Variants in USP10 observed in about 807,000 individuals in gnomAD.
USP10 encodes ubiquitin carboxyl-terminal hydrolase 10.
In USP10, 22 loss-of-function variants were observed where a neutral mutation model predicts 84.5. That is an observed-to-expected ratio of 0.26 (90% CI 0.19 to 0.37). USP10 has a LOEUF of 0.37. USP10 is among the 10% of genes least tolerant of loss of function. The pLI is 1.00. For missense variants in USP10, 1,019 were observed against 998.9 expected (o/e 1.02, Z -0.27); for synonymous variants, 454 against 387.6 (o/e 1.17, Z -2.01).
intron 4 of USP10, among the ~76,000 whole-genome samples, chr16:84,756,073 T>A (rs1007101549): frequency 1.7e-4 from 26 of 151,966 alleles, no homozygotes; most frequent in Admixed American, 1.2e-3. Context: ...TGGATTGGGC[T>A]AAGCATCCTT....
chr16:84,718,625 C>T (rs1340308392), intron 1 of USP10, among the ~76,000 whole-genome samples: 2 of 151,790 alleles, frequency 1.3e-5, no homozygotes, highest in African/African-American at 4.8e-5. Flanking sequence ...GACATCGTGG[C>T]ACATGCCTGT....
At chr16:84,775,549 G>A (rs149531196) in intron 13 of USP10, among the ~76,000 whole-genome samples, 2 of 152,320 alleles carry the variant, frequency 1.3e-5, no homozygotes, top group African/African-American at 2.4e-5. Flanking sequence ...TGGCACCTGT[G>A]GGTGACAGTG....
Position 84,772,703 on chromosome 16 carries a change from T to G in USP10, c.2143+18T>G. 2 of 1,612,950 alleles carry G rather than the reference T, an allele frequency of 1.2e-6. No homozygotes were observed. Among genetic ancestry groups the G allele is most frequent in the Non-Finnish European group, 1.7e-6 (2 of 1,179,076 alleles). ...TAGTAAAGGTAATGCATACATAAGG[T>G]CGGGAGTGTTCGTGGTGACACACTC... On this transcript the variant is annotated intron_variant, in intron 12 of 13. Transcript: ENST00000219473.
chr16:84,751,351 T>G (rs1187127718), intron 4 of USP10, among the ~76,000 whole-genome samples: 4 of 152,244 alleles, frequency 2.6e-5, no homozygotes, highest in African/African-American at 7.2e-5. Context: ...TTTTGGCAGT[T>G]TATAAATCAT....
chr16:84,763,476 G>C (rs945751000), intron 9 of USP10, among the ~76,000 whole-genome samples: 2 of 152,142 alleles, frequency 1.3e-5, no homozygotes, highest in Admixed American at 6.5e-5. Context: ...TTCCCTGAAT[G>C]ATTCAAAGTT....
rs546760130 is a variant in USP10 at position 84,748,307 on chromosome 16, C to A, written c.1192+2634C>A. Among the ~76,000 whole-genome samples, 33 of 151,592 alleles carry A rather than the reference C, an allele frequency of 2.2e-4. No individual in the cohort carries two copies. In the East Asian group the frequency reaches 4.3e-3, roughly 20 times the overall value. Reference sequence around the variant, plus strand: ...TTCGAAGTCATGAGAATTTTATTTTCTTTTCTTTATTTTTGAGAGGGGGTC... The same window carrying A: ...TTCGAAGTCATGAGAATTTTATTTTATTTTCTTTATTTTTGAGAGGGGGTC... On this transcript the variant is annotated intron_variant, in intron 4 of 13. Transcript: ENST00000219473.
At chr16:84,700,960 T>C (rs1904793454) in intron 1 of USP10, among the ~76,000 whole-genome samples, 1 of 152,104 alleles carries the variant, frequency 6.6e-6, no homozygotes, top group African/African-American at 2.4e-5. Flanking sequence ...ATCGGCATGA[T>C]GTATTATTTG....
intron 1 of USP10, among the ~76,000 whole-genome samples, chr16:84,731,470 G>A (rs1321996582): frequency 6.6e-6 from 1 of 151,860 alleles, no homozygotes; most frequent in African/African-American, 2.4e-5. Flanking sequence ...TATCATTCTT[G>A]TATTTCTCGA....
rs534375580 is a variant in USP10, at chr16:84,726,501, C to T, written c.22-6934C>T. Among the ~76,000 whole-genome samples the T allele has an allele frequency of 3.3e-5, 5 of 152,368 alleles. No homozygotes were observed. In the East Asian group the frequency reaches 9.6e-4, roughly 29 times the overall value. ...TGAGGGCCGTAGTGGCCTCCACACACCTCCAGAAGGTAAACTGAGCCAGCT... is the reference window on the plus strand; with the variant it reads ...TGAGGGCCGTAGTGGCCTCCACACATCTCCAGAAGGTAAACTGAGCCAGCT... On this transcript the variant is annotated intron_variant, in intron 1 of 13. Transcript: ENST00000219473.
chr16:84,740,064 T>G (rs189544287), intron 2 of USP10, among the ~76,000 whole-genome samples: 154 of 152,328 alleles, frequency 1.0e-3, no homozygotes, highest in Non-Finnish European at 1.7e-3. Context: ...TTTTATTCCT[T>G]TTGGCTTCAT....
Position 84,732,467 on chromosome 16 carries a change from G to C in USP10, c.22-968G>C, listed in dbSNP as rs1038218496. ...TTCTTTTTTTTTTTTTTCTTTTTGAGATGGAGTCTGGCTCTGTCGCCCCGG... is the reference window on the plus strand; with the variant it reads ...TTCTTTTTTTTTTTTTTCTTTTTGACATGGAGTCTGGCTCTGTCGCCCCGG... On this transcript the variant is annotated intron_variant, in intron 1 of 13. Coordinates refer to ENST00000219473, the MANE Select transcript of USP10 (RefSeq NM_005153.3). 6.8e-5 allele frequency: 26 copies of C among 384,744 alleles called. No homozygotes were observed. The East Asian group carries it at 7.1e-4, about 11-fold the overall frequency. The allele number at this position is 384,744 out of a possible 1,614,324, so 23.8% of individuals were successfully genotyped here.
rs184727932 is a variant in USP10 at position 84,711,711 on chromosome 16, A to T, written c.21+11600A>T. The stretch of plus-strand genomic sequence containing the variant: ...ATAACTAGAGTTTTAGGCGTGAGGA[A>T]GGGCTAGCTTTTTTTTTTTTTTTTT... On this transcript the variant is annotated intron_variant, in intron 1 of 13. Transcript: ENST00000219473. Among the ~76,000 whole-genome samples the T allele has an allele frequency of 3.3e-4, 47 of 143,672 alleles. No individual in the cohort carries two copies. The East Asian group carries it at 8.7e-3, about 27-fold the overall frequency. 94.3% of individuals were successfully genotyped at this position (143,672 alleles called of 152,430 possible). A position where few individuals can be genotyped will look rare whatever the true frequency, so the allele number is the denominator to read the frequency against.
intron 1 of USP10, among the ~76,000 whole-genome samples, chr16:84,704,523 G>C (rs553857201): frequency 6.6e-6 from 1 of 152,274 alleles, no homozygotes; most frequent in African/African-American, 2.4e-5. Context: ...CAGTTTTCCT[G>C]TTTATTGAAG....
Position 84,759,979 on chromosome 16 carries a change from C to T in USP10, c.1450+33C>T, listed in dbSNP as rs771606578. On this transcript the variant is annotated intron_variant, in intron 7 of 13. Coordinates refer to ENST00000219473, the MANE Select transcript of USP10 (RefSeq NM_005153.3). ...AAAATGAGTTTTGTTGATGCTATTACATATTGGGAGTTATGGAGACAGATG... is the reference window on the plus strand; with the variant it reads ...AAAATGAGTTTTGTTGATGCTATTATATATTGGGAGTTATGGAGACAGATG... The T allele has an allele frequency of 8.1e-6, 13 of 1,609,866 alleles. No homozygotes were observed. The South Asian group carries it at 1.3e-4, about 16-fold the overall frequency.
In USP10 at chr16:84,700,032, G is replaced by A; in HGVS notation, c.-59G>A. 1 of 1,338,038 alleles carries A rather than the reference G, an allele frequency of 7.5e-7. No homozygotes were observed. Among genetic ancestry groups the A allele is most frequent in the African/African-American group, 1.6e-5 (1 of 64,224 alleles). 82.9% of individuals were successfully genotyped at this position (1,338,038 alleles called of 1,614,324 possible). On this transcript the variant is annotated 5_prime_UTR_variant, in exon 1 of 14. Transcript: ENST00000219473. The stretch of plus-strand genomic sequence containing the variant: ...TATGTGCGGGCGAGAAGATGGCGGC[G>A]GCGGGGGAAGCAGCGTGAGCAGCCG...
intron 2 of USP10, among the ~76,000 whole-genome samples, chr16:84,737,738 G>T (rs970945128): frequency 6.6e-6 from 1 of 152,218 alleles, no homozygotes; most frequent in South Asian, 2.1e-4. Flanking sequence ...GAAGCTGGCA[G>T]TGTCGCCTGG....
intron 1 of USP10, 128 bp downstream of exon 1, chr16:84,700,239 C>A: frequency 2.6e-6 from 2 of 766,552 alleles, no homozygotes; most frequent in Non-Finnish European, 3.3e-6. Flanking sequence ...CTGGGACACG[C>A]TGCCCGGGCC....
chr16:84,758,872 T>A (rs1912885087), intron 5 of USP10, 65 bp downstream of exon 5: 8 of 1,211,594 alleles, frequency 6.6e-6, no homozygotes, highest in Middle Eastern at 1.9e-4. Flanking sequence ...TGGGTGCATG[T>A]GACTTAGCTC....
intron 13 of USP10, among the ~76,000 whole-genome samples, chr16:84,776,823 A>AT (rs1477095353): frequency 6.6e-6 from 1 of 151,822 alleles, no homozygotes; most frequent in Non-Finnish European, 1.5e-5. Flanking sequence ...CTAACCCATT[A>AT]TTTTTTTGAG....
Sources: allele counts gnomAD v4.1 joint callset (sites outside exome capture counted in the v4.1 genomes callset), GRCh38; gene constraint gnomAD v4.1.1; transcripts MANE v1.5; gene names NCBI Gene and HGNC (gene_info 2026-07-23, HGNC 2026-07-21).